CGNL1: variants seen among roughly 807,000 people sequenced by gnomAD.
CGNL1 encodes cingulin-like protein 1.
In CGNL1, 132 loss-of-function variants were observed where a neutral mutation model predicts 141.2. The ratio of observed to expected loss-of-function variants is 0.93; its 90% CI spans 0.81 to 1.08. CGNL1 has a LOEUF of 1.08. Among genes scored for constraint, CGNL1 ranks in the 50% least tolerant of loss-of-function variants. The probability of loss-of-function intolerance (pLI) is 0.00; values close to 1 mark genes in which losing one functional copy is unlikely to be tolerated. For synonymous variants in CGNL1, 690 were observed against 622.1 expected, an observed-to-expected ratio of 1.11 and a Z score of -1.63; for missense variants, 1,870 against 1,588.6, an observed-to-expected ratio of 1.18 and a Z score of -3.01.
chr15:57,387,263 A>G (rs1344530606), intron 1 of CGNL1, among the ~76,000 whole-genome samples: 1 of 152,214 alleles, frequency 6.6e-6, no homozygotes, highest in Non-Finnish European at 1.5e-5. Flanking sequence ...GTATTGTAAC[A>G]TGCACCAGCA....
At chr15:57,377,185 G>C (rs977632770) in intron 1 of CGNL1, 18 of 152,302 alleles carry the variant, frequency 1.2e-4, no homozygotes, top group Non-Finnish European at 2.5e-4. Context: ...TGTCATGTTG[G>C]AGTTAGTTAC....
At chr15:57,431,963 T>C (rs941493303) in intron 1 of CGNL1, among the ~76,000 whole-genome samples, 4 of 152,216 alleles carry the variant, frequency 2.6e-5, no homozygotes, top group Non-Finnish European at 5.9e-5. Flanking sequence ...GGTCAATTCT[T>C]ATTTCCTAGA....
intron 15 of CGNL1, 49 bp downstream of exon 15, chr15:57,543,828 T>TC: frequency 7.2e-7 from 1 of 1,392,882 alleles, no homozygotes; most frequent in Non-Finnish European, 1.0e-6. Flanking sequence ...CCGCTAACCC[T>TC]CCCCCACTTC....
intron 1 of CGNL1, among the ~76,000 whole-genome samples, chr15:57,416,929 G>C (rs2062855197): frequency 6.6e-6 from 1 of 152,206 alleles, no homozygotes; most frequent in South Asian, 2.1e-4. Flanking sequence ...CTGTTGTATA[G>C]CTGAACTCTG....
chr15:57,446,416 C>A (rs571349860), intron 4 of CGNL1, among the ~76,000 whole-genome samples: 4 of 152,220 alleles, frequency 2.6e-5, no homozygotes, highest in Non-Finnish European at 5.9e-5. Flanking sequence ...ACTTCTATCA[C>A]CTAGAGTAGT....
At chr15:57,447,355 A>G (rs1439718752) in intron 4 of CGNL1, among the ~76,000 whole-genome samples, 25 of 152,082 alleles carry the variant, frequency 1.6e-4, no homozygotes, top group Non-Finnish European at 3.7e-4. Context: ...TTTCGTGGGC[A>G]TTGTTTGAGA....
intron 8 of CGNL1, among the ~76,000 whole-genome samples, chr15:57,471,219 A>G (rs2063577492): frequency 6.6e-6 from 1 of 152,216 alleles, no homozygotes; most frequent in South Asian, 2.1e-4. Context: ...AGGATGACAG[A>G]ATAAAGGGCT....
chr15:57,499,825 G>A (rs2152387391), intron 8 of CGNL1, among the ~76,000 whole-genome samples: 1 of 152,338 alleles, frequency 6.6e-6, no homozygotes, highest in East Asian at 1.9e-4. Context: ...AGAGGAATGT[G>A]TTTGACACAG....
At position 57,547,668 on chromosome 15, in the gene CGNL1, G is replaced by C; in HGVS notation, c.*178G>C. 1 of 642,282 alleles carries C rather than the reference G, an allele frequency of 1.6e-6. No homozygotes were observed. Among genetic ancestry groups the C allele is most frequent in the Non-Finnish European group, 2.5e-6 (1 of 397,888 alleles). 39.8% of individuals were successfully genotyped at this position (642,282 alleles called of 1,614,324 possible). ...AGGGTCTCTCAGTGGGTCTTCGACA[G>C]AGAGCTTTTGCAGTTTAAAATGTTG... On this transcript the variant is annotated 3_prime_UTR_variant, in exon 19 of 19. Coordinates refer to ENST00000281282, the MANE Select transcript of CGNL1 (RefSeq NM_032866.5).
intron 8 of CGNL1, among the ~76,000 whole-genome samples, chr15:57,515,411 C>T (rs1048187805): frequency 6.6e-6 from 1 of 152,224 alleles, no homozygotes; most frequent in Non-Finnish European, 1.5e-5. Context: ...ATCTTTCCAA[C>T]AGGCTATATA....
At chr15:57,403,767 A>G (rs1190067133) in intron 1 of CGNL1, among the ~76,000 whole-genome samples, 1 of 152,224 alleles carries the variant, frequency 6.6e-6, no homozygotes. Flanking sequence ...GGAAAGAAAC[A>G]TCCCGAGGGA....
chr15:57,462,680 A>T (rs1335134946), intron 8 of CGNL1, among the ~76,000 whole-genome samples: 3 of 152,208 alleles, frequency 2.0e-5, no homozygotes, highest in Non-Finnish European at 4.4e-5. Context: ...GACAGCTCAG[A>T]GTTAGTAGGC....
At chr15:57,499,523 C>T (rs2063992619) in intron 8 of CGNL1, among the ~76,000 whole-genome samples, 1 of 152,128 alleles carries the variant, frequency 6.6e-6, no homozygotes, top group Non-Finnish European at 1.5e-5. Flanking sequence ...CAGGCGTGAG[C>T]CACCGTACCT....
In CGNL1 at chr15:57,439,471, G is replaced by A. The variant is rs147998969; in HGVS notation, c.1472G>A (p.Ser491Asn). The change falls in exon 2 of 19, where the codon AGT (serine) becomes AAT (asparagine). Residue 491 changes from serine (S) to asparagine (N), a missense_variant. Physicochemically the swap from Ser to Asn is conservative, Grantham distance 46 (BLOSUM62 1). Coordinates refer to ENST00000281282, the MANE Select transcript of CGNL1 (RefSeq NM_032866.5). ...CGTGCGCCCTCCCTTGGTGCACAGA[G>A]TAAAAAGGAGGAGGAGGTGAAAACA... ...VIRAPSLGAQ[S>N]KKEEEVKTAT... is the part of the protein sequence containing the mutation. 1.2e-6 allele frequency: 2 copies of A among 1,614,100 alleles called. No homozygotes were observed. Among genetic ancestry groups the A allele is most frequent in the African/African-American group, 2.7e-5 (2 of 74,930 alleles).
intron 8 of CGNL1, among the ~76,000 whole-genome samples, chr15:57,485,176 A>G (rs981428436): frequency 1.3e-5 from 2 of 151,996 alleles, no homozygotes; most frequent in Admixed American, 6.6e-5. Context: ...TCTTTGACCC[A>G]TGGATTACTT....
chr15:57,546,678 G>C (rs1476681736), intron 18 of CGNL1, among the ~76,000 whole-genome samples: 1 of 152,198 alleles, frequency 6.6e-6, no homozygotes, highest in Middle Eastern at 3.2e-3. Context: ...CTCTGAAGCT[G>C]TCTGCCGTGG....
intron 1 of CGNL1, among the ~76,000 whole-genome samples, chr15:57,404,798 A>G (rs755121927): frequency 2.6e-5 from 4 of 152,206 alleles, no homozygotes; most frequent in Non-Finnish European, 2.9e-5. Context: ...GTAGATTCCT[A>G]TTAATCATGT....
At chr15:57,468,223 C>CT (rs796445379) in intron 8 of CGNL1, among the ~76,000 whole-genome samples, 7 of 118,842 alleles carry the variant, frequency 5.9e-5, no homozygotes, top group South Asian at 5.2e-4. Context: ...TTTTTCTTTT[C>CT]TTTTCTTTTT....
chr15:57,454,573 G>A (rs1039109314), intron 7 of CGNL1, among the ~76,000 whole-genome samples: 12 of 152,156 alleles, frequency 7.9e-5, no homozygotes, highest in Non-Finnish European at 1.6e-4. Flanking sequence ...CCTGGCAGGA[G>A]CTCAGAGATG....
Sources: allele counts gnomAD v4.1 joint callset (sites outside exome capture counted in the v4.1 genomes callset), GRCh38; gene constraint gnomAD v4.1.1; transcripts MANE v1.5; gene names NCBI Gene and HGNC (gene_info 2026-07-23, HGNC 2026-07-21).